NEBL: variants seen among roughly 807,000 people sequenced by gnomAD.
NEBL encodes LIM and SH3 protein 2.
Under a neutral mutation model 140.2 loss-of-function variants are expected in NEBL, and 122 were observed. The ratio of observed to expected loss-of-function variants is 0.87; its 90% CI spans 0.75 to 1.01. The LOEUF is 1.01. NEBL is among the 50% of genes least tolerant of loss of function. NEBL has a pLI of 0.00. For missense variants in NEBL, 1,365 were observed against 1,231.3 expected, an observed-to-expected ratio of 1.11 and a Z score of -1.62; for synonymous variants, 436 against 398.9, an observed-to-expected ratio of 1.09 and a Z score of -1.11.
intron 5 of NEBL, among the ~76,000 whole-genome samples, chr10:20,880,490 G>A (rs1230291959): frequency 2.0e-5 from 3 of 152,208 alleles, no homozygotes; most frequent in African/African-American, 7.2e-5. Flanking sequence ...GAAGCCATGA[G>A]CTTCAGCATC....
upstream of NEBL, chr10:20,899,595 A>T: frequency 2.9e-6 from 1 of 343,874 alleles, no homozygotes; most frequent in Non-Finnish European, 5.5e-6. Flanking sequence ...AAATCAATAC[A>T]CCTAAAGCCC....
intron 3 of NEBL, among the ~76,000 whole-genome samples, chr10:21,241,696 G>A (rs990341992): frequency 1.3e-5 from 2 of 152,024 alleles, no homozygotes; most frequent in African/African-American, 4.8e-5. Flanking sequence ...AGGTAAGGAG[G>A]TTCCTATGCC....
intron 1 of NEBL, among the ~76,000 whole-genome samples, chr10:21,258,986 A>G (rs549288568): frequency 2.0e-5 from 3 of 152,124 alleles, no homozygotes; most frequent in South Asian, 4.2e-4. Flanking sequence ...GATTACCCCC[A>G]TTTTACAGAT....
At chr10:21,155,122 C>T (rs1177404734) in intron 2 of NEBL, among the ~76,000 whole-genome samples, 1 of 152,088 alleles carries the variant, frequency 6.6e-6, no homozygotes, top group African/African-American at 2.4e-5. Flanking sequence ...TTGCTTGAAC[C>T]CAGGAGGCAG....
intron 1 of NEBL, among the ~76,000 whole-genome samples, chr10:21,256,769 T>C (rs1842664535): frequency 6.6e-6 from 1 of 152,088 alleles, no homozygotes; most frequent in African/African-American, 2.4e-5. Flanking sequence ...AGCCCAGGAG[T>C]TCCAGGCTGT....
intron 3 of NEBL, among the ~76,000 whole-genome samples, chr10:21,009,993 T>C (rs1838273442): frequency 1.3e-5 from 2 of 152,210 alleles, no homozygotes; most frequent in Admixed American, 6.5e-5. Context: ...CTGAATTCTA[T>C]ATTGTCCTAT....
chr10:20,878,632 T>G lies in NEBL; in HGVS notation c.480+2162A>C, dbSNP rs553641718. Among the ~76,000 whole-genome samples, 30 of 152,326 alleles carry G rather than the reference T, an allele frequency of 2.0e-4. 1 individual carries two copies. The South Asian group carries it at 2.1e-3, about 11-fold the overall frequency. On this transcript the variant is annotated intron_variant, in intron 5 of 27. Transcript: ENST00000377122. ...TAAGTGGCTTGACTCCAGAGGAATA[T>G]CAACTACTTCACAGGTAGAATACAA...
At chr10:21,030,299 C>A in intron 2 of NEBL, 2 of 651,340 alleles carry the variant, frequency 3.1e-6, no homozygotes, top group South Asian at 3.1e-5. Flanking sequence ...GGAACTGGAA[C>A]GGTGGAGGAC....
chr10:21,185,760 A>T (rs1012657142), intron 3 of NEBL, among the ~76,000 whole-genome samples: 1 of 151,996 alleles, frequency 6.6e-6, no homozygotes, highest in Admixed American at 6.5e-5. Flanking sequence ...AGCCTCCCAA[A>T]GTGTTGGGAT....
chr10:21,281,486 C>CTT lies in NEBL; in HGVS notation n.182+11342_182+11343dup, dbSNP rs34747568. ...TGCTTGTCTTTCCTTTTCTTTCTTTCTTTTTTTTTTTATAATTAATAGACA... is the reference window on the plus strand; with the variant it reads ...TGCTTGTCTTTCCTTTTCTTTCTTTCTTTTTTTTTTTTTATAATTAATAGACA... On this transcript the variant is annotated intron_variant and non_coding_transcript_variant, in intron 1 of 8. Transcript: ENST00000675702. Among the ~76,000 whole-genome samples the CTT allele has an allele frequency of 3.0e-3, 444 of 147,588 alleles. 1 individual carries two copies. Among genetic ancestry groups the CTT allele is most frequent in the African/African-American group, 9.8e-3 (385 of 39,410 alleles).
At chr10:21,000,636 C>T (rs1292063274) in intron 3 of NEBL, among the ~76,000 whole-genome samples, 1 of 152,202 alleles carries the variant, frequency 6.6e-6, no homozygotes, top group Middle Eastern at 3.4e-3. Flanking sequence ...TAAATTGAAA[C>T]TCTGAACATT....
chr10:21,022,549 G>T (rs533714712), intron 2 of NEBL, among the ~76,000 whole-genome samples: 48 of 152,260 alleles, frequency 3.2e-4, no homozygotes, highest in African/African-American at 9.4e-4. Context: ...CCAGGTAATT[G>T]GAGTTAACCC....
chr10:21,104,798 G>A (rs1409349785), intron 2 of NEBL, among the ~76,000 whole-genome samples: 5 of 152,104 alleles, frequency 3.3e-5, no homozygotes, highest in Non-Finnish European at 7.4e-5. Context: ...TCCTCACCCT[G>A]TTCCTCATCT....
intron 3 of NEBL, among the ~76,000 whole-genome samples, chr10:21,017,003 C>G (rs556241437): frequency 6.6e-6 from 1 of 152,294 alleles, no homozygotes; most frequent in Admixed American, 6.5e-5. Flanking sequence ...TATTGCAATT[C>G]TTTGCTTACA....
Position 21,088,141 on chromosome 10 carries a change from T to A in NEBL, c.165-67940A>T, listed in dbSNP as rs527310628. On this transcript the variant is annotated intron_variant, in intron 2 of 6. Coordinates refer to the NEBL transcript ENST00000417816. Reference sequence around the variant, plus strand: ...TCTACATTCTCACCCTGGGGCCCAGTTGTTTCTCTCCACATTGTCAGTCTT... The same window carrying A: ...TCTACATTCTCACCCTGGGGCCCAGATGTTTCTCTCCACATTGTCAGTCTT... Among the ~76,000 whole-genome samples the A allele has an allele frequency of 9.8e-5, 15 of 152,290 alleles. No homozygotes were observed. The South Asian group carries it at 3.1e-3, about 32-fold the overall frequency.
intron 2 of NEBL, among the ~76,000 whole-genome samples, chr10:21,165,941 C>A (rs1210295312): frequency 2.0e-5 from 3 of 152,134 alleles, no homozygotes; most frequent in Non-Finnish European, 2.9e-5. Flanking sequence ...TTTCTCATAT[C>A]TTTCAATCAC....
At chr10:20,922,103 A>G (rs1429188995) in intron 4 of NEBL, among the ~76,000 whole-genome samples, 1 of 152,208 alleles carries the variant, frequency 6.6e-6, no homozygotes, top group Non-Finnish European at 1.5e-5. Context: ...TGTATGACAG[A>G]GCAAAAACCA....
At chr10:20,901,085 A>G (rs1847851327), upstream of NEBL, among the ~76,000 whole-genome samples, 2 of 152,086 alleles carry the variant, frequency 1.3e-5, no homozygotes, top group Non-Finnish European at 2.9e-5. Context: ...CTTTTTTTCA[A>G]CCACCAATAA....
At chr10:21,220,173 G>A (rs763442686) in intron 3 of NEBL, among the ~76,000 whole-genome samples, 4 of 152,046 alleles carry the variant, frequency 2.6e-5, no homozygotes, top group South Asian at 2.1e-4. Flanking sequence ...TTGGCCTCCC[G>A]AAGTGCTGGG....
Sources: gnomAD v4.1 joint callset for allele counts (sites outside exome capture counted in the v4.1 genomes callset) on GRCh38, gnomAD v4.1.1 for gene constraint, MANE v1.5 for transcripts, NCBI Gene and HGNC (gene_info 2026-07-23, HGNC 2026-07-21) for gene names.